PABPC4L: variants seen among roughly 807,000 people sequenced by gnomAD.
PABPC4L encodes the protein poly(A) binding protein cytoplasmic 4 like.
For synonymous variants in PABPC4L, 169 were observed against 164.1 expected (o/e 1.03, Z -0.23); for missense variants, 452 against 451.4 (o/e 1.00, Z -0.01).
chr4:133,990,677 C>G, the PABPC4L span, among the ~76,000 whole-genome samples: 1 of 152,130 alleles, frequency 6.6e-6, no homozygotes. Context: ...TTATTTAGTA[C>G]AGATTTAATG....
chr4:134,109,063 C>T, the PABPC4L span, among the ~76,000 whole-genome samples: 1 of 151,742 alleles, frequency 6.6e-6, no homozygotes, highest in Non-Finnish European at 1.5e-5. Flanking sequence ...TTATGTAACC[C>T]TAAACAATTA....
the PABPC4L span, among the ~76,000 whole-genome samples, chr4:134,124,171 C>A: frequency 6.6e-6 from 1 of 152,004 alleles, no homozygotes; most frequent in Non-Finnish European, 1.5e-5. Context: ...GCTAATCATG[C>A]AAATTGGGTT....
the PABPC4L span, among the ~76,000 whole-genome samples, chr4:134,051,917 T>G: frequency 1.3e-5 from 2 of 152,144 alleles, no homozygotes; most frequent in Non-Finnish European, 2.9e-5. Flanking sequence ...AAAAATAGGT[T>G]ACAGGATTAG....
the PABPC4L span, among the ~76,000 whole-genome samples, chr4:134,183,596 A>G: frequency 6.6e-6 from 1 of 151,878 alleles, no homozygotes; most frequent in Admixed American, 6.6e-5. Context: ...CTATACATGC[A>G]CACCTGGAAG....
chr4:133,960,049 T>C, the PABPC4L span, among the ~76,000 whole-genome samples: 24 of 152,320 alleles, frequency 1.6e-4, no homozygotes, highest in African/African-American at 5.3e-4. Context: ...GACAGAAGGA[T>C]CATCATTGAG....
the PABPC4L span, among the ~76,000 whole-genome samples, chr4:134,016,725 A>G: frequency 6.6e-6 from 1 of 152,124 alleles, no homozygotes; most frequent in Admixed American, 6.6e-5. Context: ...GTAGGTTACA[A>G]GCTGCTAGCC....
At chr4:133,992,663 G>A in the PABPC4L span, among the ~76,000 whole-genome samples, 1 of 152,106 alleles carries the variant, frequency 6.6e-6, no homozygotes, top group Non-Finnish European at 1.5e-5. Context: ...TAAGAGATGA[G>A]GCCAATAGAA....
the PABPC4L span, among the ~76,000 whole-genome samples, chr4:134,092,420 C>G: frequency 6.6e-6 from 1 of 152,008 alleles, no homozygotes; most frequent in Non-Finnish European, 1.5e-5. Flanking sequence ...CTGAGAGCCA[C>G]CACCATCACT....
chr4:134,158,779 A>G, the PABPC4L span, among the ~76,000 whole-genome samples: 1 of 152,012 alleles, frequency 6.6e-6, no homozygotes, highest in East Asian at 1.9e-4. Flanking sequence ...AATGATGGGG[A>G]TATGTTCTGA....
the PABPC4L span, among the ~76,000 whole-genome samples, chr4:133,968,729 A>G: frequency 6.6e-6 from 1 of 152,238 alleles, no homozygotes; most frequent in Admixed American, 6.5e-5. Context: ...TATGACATAA[A>G]GAAAAACTTA....
chr4:134,055,055 T>C, the PABPC4L span, among the ~76,000 whole-genome samples: 39 of 152,034 alleles, frequency 2.6e-4, no homozygotes, highest in Non-Finnish European at 3.8e-4. Context: ...TGATATATCA[T>C]TGTGGCTTTA....
At chr4:133,986,098 C>A in the PABPC4L span, among the ~76,000 whole-genome samples, 1 of 151,880 alleles carries the variant, frequency 6.6e-6, no homozygotes, top group African/African-American at 2.4e-5. Flanking sequence ...AATTGTATTA[C>A]CATAGAAAAC....
downstream of PABPC4L, among the ~76,000 whole-genome samples, chr4:134,194,199 G>A (rs1729592183): frequency 6.6e-6 from 1 of 151,910 alleles, no homozygotes; most frequent in South Asian, 2.1e-4. Context: ...TGCTAGTAAA[G>A]TAGAGAGGGA....
the PABPC4L span, among the ~76,000 whole-genome samples, chr4:134,100,581 T>C: frequency 6.6e-6 from 1 of 151,762 alleles, no homozygotes; most frequent in Admixed American, 6.6e-5. Flanking sequence ...TATTCTGTTT[T>C]TGTAAAAGTC....
chr4:134,148,135 A>T, the PABPC4L span, among the ~76,000 whole-genome samples: 71 of 152,240 alleles, frequency 4.7e-4, no homozygotes, highest in East Asian at 0.011. Context: ...ACAAGTCCTC[A>T]GACACAGAAA....
Position 134,199,365 on chromosome 4 carries a change from ACT to A in PABPC4L, c.*540_*541del. The A allele has an allele frequency of 6.6e-6, 1 of 152,164 alleles. No homozygotes were observed. Among genetic ancestry groups the A allele is most frequent in the African/African-American group, 2.4e-5 (1 of 41,460 alleles). The allele number at this position is 152,164 out of a possible 1,614,324, so 9.4% of individuals were successfully genotyped here. Reference sequence around the variant, plus strand: ...AGGATATAAATTTAAAAGAAATTCAACTATATCTGACTATTTTAAGCATTAAT... The same window carrying A: ...AGGATATAAATTTAAAAGAAATTCAAATATCTGACTATTTTAAGCATTAAT... On this transcript the variant is annotated 3_prime_UTR_variant, in exon 2 of 2. Coordinates refer to ENST00000421491, the MANE Select transcript of PABPC4L (RefSeq NM_001114734.2).
the PABPC4L span, among the ~76,000 whole-genome samples, chr4:134,093,200 T>C: frequency 7.3e-5 from 11 of 151,724 alleles, no homozygotes; most frequent in African/African-American, 2.4e-4. Flanking sequence ...CATTAATTTT[T>C]CATTTATTAT....
chr4:134,140,459 C>T, the PABPC4L span, among the ~76,000 whole-genome samples: 12 of 151,846 alleles, frequency 7.9e-5, no homozygotes, highest in African/African-American at 2.6e-4. Flanking sequence ...AATATTTATA[C>T]AATTTTATAT....
chr4:133,988,458 A>G, the PABPC4L span, among the ~76,000 whole-genome samples: 39,829 of 152,080 alleles, frequency 0.26, 7,369 homozygotes, highest in East Asian at 0.53. Context: ...GGCCCCATAC[A>G]AGTTCAAAAT....
Sources: gnomAD v4.1 joint callset for allele counts (sites outside exome capture counted in the v4.1 genomes callset) on GRCh38, gnomAD v4.1.1 for gene constraint, MANE v1.5 for transcripts, NCBI Gene and HGNC (gene_info 2026-07-23, HGNC 2026-07-21) for gene names.